Variants in ZFP14 observed in about 807,000 individuals in gnomAD.
ZFP14 encodes zinc finger protein 14 homolog.
A neutral mutation model predicts 54.5 loss-of-function variants in ZFP14; 22 were observed. The observed-to-expected ratio is 0.40, with a 90% CI of 0.29 to 0.58. ZFP14 has a LOEUF of 0.58. Among genes scored for constraint, ZFP14 ranks in the 20% least tolerant of loss-of-function variants. ZFP14 has a pLI of 0.39. For synonymous variants in ZFP14, 159 were observed against 204.0 expected (o/e 0.78, Z 1.88); for missense variants, 470 against 637.8 (o/e 0.74, Z 2.83).
intron 3 of ZFP14, 106 bp from the exon 4 acceptor site, chr19:36,360,639 G>T: frequency 2.0e-6 from 2 of 982,814 alleles, no homozygotes; most frequent in Non-Finnish European, 2.9e-6. Flanking sequence ...ACTTTATAAA[G>T]CCTAGGAGCG....
chr19:36,362,169 G>A lies in ZFP14; in HGVS notation c.79C>T (p.Gln27Ter), dbSNP rs1305104496. 2 of 1,612,690 alleles carry A rather than the reference G, an allele frequency of 1.2e-6. No homozygotes were observed. Among genetic ancestry groups the A allele is most frequent in the East Asian group, 2.2e-5 (1 of 44,634 alleles). The change falls in exon 3 of 5, where the codon CAG becomes TAG. Residue 27 changes from glutamine (Q) to a stop codon, truncating the protein, a stop_gained. Transcript: ENST00000270001. LOFTEE classifies it high-confidence loss of function. The part of the protein sequence containing the change: ...QEEWEFLDPA[Q>*]RDLYRDVMWE... The stretch of plus-strand genomic sequence containing the variant: ...ATTACATCCCTATATAAGTCCCTCT[G>A]AGCAGGATCCAGGAATTCCCATTCT...
intron 1 of ZFP14, among the ~76,000 whole-genome samples, chr19:36,376,749 T>TC (rs2031968746): frequency 6.6e-6 from 1 of 152,176 alleles, no homozygotes; most frequent in Non-Finnish European, 1.5e-5. Flanking sequence ...TGCCAAGCAT[T>TC]AGCTAAGGGT....
chr19:36,346,678 G>A (rs1372123139), intron 4 of ZFP14, among the ~76,000 whole-genome samples: 2 of 152,118 alleles, frequency 1.3e-5, no homozygotes, highest in Non-Finnish European at 2.9e-5. Flanking sequence ...GGATGGTCTT[G>A]ATCTATTGAC....
chr19:36,346,646 C>T (rs1193495688), intron 4 of ZFP14, among the ~76,000 whole-genome samples: 2 of 151,966 alleles, frequency 1.3e-5, no homozygotes, highest in African/African-American at 2.4e-5. Context: ...TTAGTGGAAA[C>T]GGGGTTTCAC....
At chr19:36,372,877 T>A (rs1257403345) in intron 1 of ZFP14, among the ~76,000 whole-genome samples, 1 of 152,178 alleles carries the variant, frequency 6.6e-6, no homozygotes, top group African/African-American at 2.4e-5. Context: ...ACAAAACCTG[T>A]CATTTGTGAC....
intron 4 of ZFP14, among the ~76,000 whole-genome samples, chr19:36,348,506 G>A (rs897627743): frequency 6.6e-6 from 1 of 152,004 alleles, no homozygotes; most frequent in African/African-American, 2.4e-5. Context: ...GATTTTGTTT[G>A]TTTGTTTGGA....
chr19:36,347,940 C>A (rs2031448768), intron 4 of ZFP14, among the ~76,000 whole-genome samples: 1 of 152,058 alleles, frequency 6.6e-6, no homozygotes, highest in Non-Finnish European at 1.5e-5. Flanking sequence ...TGCCTGTAAC[C>A]CTAGCTACTC....
Position 36,350,209 on chromosome 19 carries a change from C to G in ZFP14, c.236-8619G>C, listed in dbSNP as rs1417724529. ...TAAAGTGTCTAACATATGTGTAACTCACACAGAGAAAAGAACAAAAATGAG... is the reference window on the plus strand; with the variant it reads ...TAAAGTGTCTAACATATGTGTAACTGACACAGAGAAAAGAACAAAAATGAG... On this transcript the variant is annotated intron_variant, in intron 4 of 4. Coordinates refer to ENST00000270001, the MANE Select transcript of ZFP14 (RefSeq NM_020917.3). 4.2e-5 allele frequency among the ~76,000 whole-genome samples: 6 copies of G among 141,848 alleles called. 2 individuals carry two copies. The highest frequency in any genetic ancestry group is 1.0e-4 in the African/African-American group (4 of 38,662). 93.1% of individuals were successfully genotyped at this position (141,848 alleles called of 152,430 possible). A position where few individuals can be genotyped will look rare whatever the true frequency, so the allele number is the denominator to read the frequency against.
Position 36,334,502 on chromosome 19 carries a change from T to C in ZFP14, c.*5722A>G, listed in dbSNP as rs1291539576. ...TACCACAGAAACTCATTTATGTCCT[T>C]AATCATTGTTTAATATAATATATAA... is the stretch of plus-strand genomic sequence containing the variant. On this transcript the variant is annotated 3_prime_UTR_variant, in exon 5 of 5. Coordinates refer to ENST00000270001, the MANE Select transcript of ZFP14 (RefSeq NM_020917.3). 6.6e-6 allele frequency: 1 copy of C among 152,246 alleles called. No homozygotes were observed. Among genetic ancestry groups the C allele is most frequent in the African/African-American group, 2.4e-5 (1 of 41,462 alleles). The allele number at this position is 152,246 out of a possible 1,614,324, so 9.4% of individuals were successfully genotyped here.
At position 36,355,802 on chromosome 19, in the gene ZFP14, G is replaced by C. The variant is rs1479447105; in HGVS notation, c.235+4633C>G. Among the ~76,000 whole-genome samples the C allele has an allele frequency of 1.4e-5, 2 of 142,630 alleles. 1 individual carries two copies. The highest frequency in any genetic ancestry group is 3.1e-5 in the Non-Finnish European group (2 of 64,290). 93.6% of individuals were successfully genotyped at this position (142,630 alleles called of 152,430 possible). On this transcript the variant is annotated intron_variant, in intron 4 of 4. Transcript: ENST00000270001. ...AGGAAGAGAGACTTCACCAGAACCT[G>C]GCACCCTGATTTTGGACTTCCAGCA... is the stretch of plus-strand genomic sequence containing the variant.
At chr19:36,373,870 C>T (rs1030506701) in intron 1 of ZFP14, among the ~76,000 whole-genome samples, 3 of 133,664 alleles carry the variant, frequency 2.2e-5, no homozygotes, top group African/African-American at 8.7e-5. Flanking sequence ...TGAGATGATG[C>T]CACTGCACTC....
At chr19:36,356,996 T>C (rs1250919661) in intron 4 of ZFP14, among the ~76,000 whole-genome samples, 4 of 152,134 alleles carry the variant, frequency 2.6e-5, no homozygotes, top group African/African-American at 7.2e-5. Context: ...ATTGGTATAT[T>C]CTGATGAGAC....
chr19:36,358,084 CTAT>C (rs2031649268), intron 4 of ZFP14, among the ~76,000 whole-genome samples: 1 of 146,350 alleles, frequency 6.8e-6, no homozygotes, highest in African/African-American at 2.5e-5. Flanking sequence ...ATCTATCTAT[CTAT>C]CTATCATCTA....
Position 36,341,178 on chromosome 19 carries a change from A to T in ZFP14, c.648T>A (p.Ile216=). The part of the protein sequence containing the change: ...GQAFRQRAHL[I]RHHKLHTGEK... Reference sequence around the variant, plus strand: ...CACCGGTGTGAAGTTTGTGATGTCGAATAAGATGTGCACGCTGTCTAAAGG... The same window carrying T: ...CACCGGTGTGAAGTTTGTGATGTCGTATAAGATGTGCACGCTGTCTAAAGG... The change falls in exon 5 of 5, where the codon ATT becomes ATA. Residue 216 remains isoleucine (I), a synonymous_variant. Coordinates refer to ENST00000270001, the MANE Select transcript of ZFP14 (RefSeq NM_020917.3). This position sits in a 1 kb window ranked among gnomAD's most constrained non-coding sequence, Gnocchi z 4.2. 3.7e-6 allele frequency: 6 copies of T among 1,614,144 alleles called. No homozygotes were observed. Among genetic ancestry groups the T allele is most frequent in the Non-Finnish European group, 5.1e-6 (6 of 1,180,024 alleles).
chr19:36,367,755 CGTCCAGCCAT>C, intron 2 of ZFP14, 119 bp downstream of exon 2: 1 of 1,095,648 alleles, frequency 9.1e-7, no homozygotes. Context: ...TGAGCCATTG[CGTCCAGCCAT>C]GGAGCAGGTT....
chr19:36,365,584 C>A lies in ZFP14; in HGVS notation c.9+2300G>T, dbSNP rs543247434. On this transcript the variant is annotated intron_variant, in intron 2 of 4. Transcript: ENST00000270001. ...AGTTATACACATTTCAAAACATCTG[C>A]AGATGGTTCCATTGGTCTAACAACT... Among the ~76,000 whole-genome samples the A allele has an allele frequency of 1.9e-3, 291 of 152,204 alleles. 1 individual carries two copies. Among genetic ancestry groups the A allele is most frequent in the Non-Finnish European group, 3.4e-3 (232 of 68,030 alleles).
chr19:36,367,634 T>C (rs1350818616), intron 2 of ZFP14, among the ~76,000 whole-genome samples: 1 of 152,146 alleles, frequency 6.6e-6, no homozygotes, highest in Non-Finnish European at 1.5e-5. Context: ...TGGCTAATTT[T>C]TGTATTTTTA....
At position 36,362,103 on chromosome 19, in the gene ZFP14, T is replaced by C. The variant is rs1600079836; in HGVS notation, c.136+9A>G. 4 of 1,588,486 alleles carry C rather than the reference T, an allele frequency of 2.5e-6. No homozygotes were observed. Among genetic ancestry groups the C allele is most frequent in the African/African-American group, 2.7e-5 (2 of 73,066 alleles). ...GAAAGCTAATATCATTTGGGATAAA[T>C]AACCTTACCTAGTGAAATGAAGTTG... On this transcript the variant is annotated intron_variant, in intron 3 of 4. Coordinates refer to ENST00000270001, the MANE Select transcript of ZFP14 (RefSeq NM_020917.3).
rs2031219572 is a variant in ZFP14 at position 36,337,198 on chromosome 19, T to C, written c.*3026A>G. 6.6e-6 allele frequency: 1 copy of C among 152,200 alleles called. No homozygotes were observed. The allele number at this position is 152,200 out of a possible 1,614,324, so 9.4% of individuals were successfully genotyped here. On this transcript the variant is annotated 3_prime_UTR_variant, in exon 5 of 5. Transcript: ENST00000270001. ...ATGCCAACATACTGAATTTAGTTGA[T>C]ATGTCTCTTTAAGTCTCTTTTAATC...
Sources: allele counts gnomAD v4.1 joint callset (sites outside exome capture counted in the v4.1 genomes callset), GRCh38; gene constraint gnomAD v4.1.1; non-coding constraint Gnocchi (gnomAD v3.1); transcripts MANE v1.5; gene names NCBI Gene and HGNC (gene_info 2026-07-23, HGNC 2026-07-21).